GPLD1: variants seen among roughly 807,000 people sequenced by gnomAD.
GPLD1 encodes the protein glycosylphosphatidylinositol specific phospholipase D1, also known as phosphatidylinositol-glycan-specific phospholipase D.
In GPLD1, 84 loss-of-function variants were observed where a neutral mutation model predicts 112.6. The observed-to-expected ratio is 0.75, with a 90% confidence interval of 0.63 to 0.89. GPLD1 has a LOEUF of 0.89. Ranked by LOEUF, GPLD1 falls within the 40% of genes least tolerant of loss-of-function variation. The pLI is 0.00. For missense variants in GPLD1, 1,044 were observed against 1,051.5 expected (o/e 0.99, Z 0.10); for synonymous variants, 386 against 403.8 (o/e 0.96, Z 0.53).
upstream of GPLD1, among the ~76,000 whole-genome samples, chr6:24,491,266 C>T (rs1721240616): frequency 6.6e-6 from 1 of 152,166 alleles, no homozygotes; most frequent in Non-Finnish European, 1.5e-5. Flanking sequence ...GAGGGAGTCA[C>T]AATTATTAAT....
intron 2 of GPLD1, among the ~76,000 whole-genome samples, chr6:24,482,224 C>T (rs1365248129): frequency 4.6e-5 from 7 of 150,620 alleles, no homozygotes; most frequent in African/African-American, 1.5e-4. Flanking sequence ...CCTCGGCCTT[C>T]TGAGTAGCTG....
intron 14 of GPLD1, 93 bp downstream of exon 14, chr6:24,453,922 T>G (rs898638096): frequency 8.6e-5 from 68 of 791,632 alleles, no homozygotes; most frequent in Non-Finnish European, 1.3e-4. Flanking sequence ...CTGTAATTAT[T>G]CTTGTTATTA....
chr6:24,477,999 TTGC>T, intron 3 of GPLD1, among the ~76,000 whole-genome samples: 1 of 152,214 alleles, frequency 6.6e-6, no homozygotes, highest in African/African-American at 2.4e-5. Flanking sequence ...AGACTATTTA[TTGC>T]TGCAGAAAAA....
intron 4 of GPLD1, among the ~76,000 whole-genome samples, chr6:24,475,688 CAAA>C (rs35291266): frequency 1.9e-4 from 22 of 113,270 alleles, no homozygotes; most frequent in South Asian, 3.0e-4. Flanking sequence ...ACTAAAAATA[CAAA>C]AAAAAAAAAA....
chr6:24,428,782 A>C lies in GPLD1; in HGVS notation c.*250T>G. The stretch of plus-strand genomic sequence containing the variant: ...TTAGATGCAAAGGGAGCGAGGAAGT[A>C]AACTGTGGAAGGAGACATGAGTAAG... On this transcript the variant is annotated 3_prime_UTR_variant, in exon 25 of 25. Coordinates refer to ENST00000230036, the MANE Select transcript of GPLD1 (RefSeq NM_001503.4). The C allele has an allele frequency of 2.8e-6, 1 of 356,502 alleles. No individual in the cohort carries two copies. Among genetic ancestry groups the C allele is most frequent in the Non-Finnish European group, 5.0e-6 (1 of 198,568 alleles). 22.1% of individuals were successfully genotyped at this position (356,502 alleles called of 1,614,324 possible).
intron 1 of GPLD1, chr6:24,494,931 C>A (rs1245128544): frequency 2.4e-6 from 3 of 1,262,306 alleles, no homozygotes; most frequent in Non-Finnish European, 3.0e-6. Context: ...TGCTTCCCCG[C>A]GACCCCTGCG....
At position 24,472,785 on chromosome 6, in the gene GPLD1, T is replaced by G. The variant is rs948787437; in HGVS notation, c.491-149A>C. ...TGTTTTAGGTAAAGGCATGCCTTTT[T>G]TTTTTTTTAGACGGAGTTTTGCTCT... On this transcript the variant is annotated intron_variant, in intron 6 of 24. Transcript: ENST00000230036. 30 of 594,800 alleles carry G rather than the reference T, an allele frequency of 5.0e-5. No individual in the cohort carries two copies. The African/African-American group carries it at 5.5e-4, about 11-fold the overall frequency. The allele number at this position is 594,800 out of a possible 1,614,324, so 36.8% of individuals were successfully genotyped here. A position where few individuals can be genotyped will look rare whatever the true frequency, so the allele number is the denominator to read the frequency against.
chr6:24,445,980 A>C (rs990570172), intron 18 of GPLD1, 149 bp from the exon 19 acceptor site: 1 of 629,796 alleles, frequency 1.6e-6, no homozygotes, highest in African/African-American at 1.8e-5. Flanking sequence ...AAGTGTGGGG[A>C]CTATTGGAGT....
At position 24,429,062 on chromosome 6, in the gene GPLD1, T is replaced by G; in HGVS notation, c.2493A>C (p.Ala831=). 1.2e-6 allele frequency: 2 copies of G among 1,613,614 alleles called. No homozygotes were observed. The highest frequency in any genetic ancestry group is 1.7e-6 in the Non-Finnish European group (2 of 1,179,622). ...RSSLGARLSG[A]LHVYSLGSD ...CTGAGCCAAGGCTATAGACGTGAAGTGCCCCGGAGAGTCGGGCTCCCAAAG... is the reference window on the plus strand; with the variant it reads ...CTGAGCCAAGGCTATAGACGTGAAGGGCCCCGGAGAGTCGGGCTCCCAAAG... Residue 831 remains alanine, a synonymous_variant, in exon 25 of 25, where the codon GCA becomes GCC. Transcript: ENST00000230036.
At chr6:24,425,666 C>T (rs565852618), downstream of GPLD1, 2 of 152,294 alleles carry the variant, frequency 1.3e-5, no homozygotes, top group Admixed American at 1.3e-4. Flanking sequence ...AGGTACCAAA[C>T]ACTGGGTTAT....
chr6:24,494,224 G>C (rs1277068690), upstream of GPLD1, among the ~76,000 whole-genome samples: 1 of 152,136 alleles, frequency 6.6e-6, no homozygotes, highest in Non-Finnish European at 1.5e-5. Context: ...CAACTGTAAT[G>C]AGCATTTTAC....
chr6:24,472,549 G>A (rs1414236730), intron 7 of GPLD1, 33 bp downstream of exon 7: 1 of 1,291,374 alleles, frequency 7.7e-7, no homozygotes, highest in South Asian at 1.2e-5. Flanking sequence ...ATGCCACTTA[G>A]ATACCACATA....
At chr6:24,443,482 C>G (rs1457699726) in intron 20 of GPLD1, among the ~76,000 whole-genome samples, 1 of 152,186 alleles carries the variant, frequency 6.6e-6, no homozygotes, top group Non-Finnish European at 1.5e-5. Context: ...TGCCAACATT[C>G]TGCATTTATG....
rs557127362 is a variant in GPLD1 at position 24,435,824 on chromosome 6, C to CAAAAAAAAAAAAAAAAAAAAAAAAAAA, written c.2358+751_2358+752insTTTTTTTTTTTTTTTTTTTTTTTTTTT. On this transcript the variant is annotated intron_variant, in intron 22 of 24. Transcript: ENST00000230036. Reference sequence around the variant, plus strand: ...TGGGCAATAGAGCCAGACGCTGTCTCAAAAAAAAAAAAAAAAAAAAAAAGT... The same window carrying CAAAAAAAAAAAAAAAAAAAAAAAAAAA: ...TGGGCAATAGAGCCAGACGCTGTCTCAAAAAAAAAAAAAAAAAAAAAAAAAAAAAAAAAAAAAAAAAAAAAAAAAAGT... The CAAAAAAAAAAAAAAAAAAAAAAAAAAA allele has an allele frequency of 5.5e-4, 18 of 32,880 alleles. 1 individual carries two copies. Among genetic ancestry groups the CAAAAAAAAAAAAAAAAAAAAAAAAAAA allele is most frequent in the Admixed American group, 8.1e-4 (2 of 2,460 alleles). The allele number at this position is 32,880 out of a possible 1,614,324, so 2.0% of individuals were successfully genotyped here.
Position 24,449,858 on chromosome 6 carries a change from A to C in GPLD1, c.1377T>G (p.Phe459Leu). Residue 459 changes from phenylalanine to leucine, a missense_variant, in exon 15 of 25, where the codon TTT becomes TTG. By Grantham distance (22) the Phe-to-Leu change is conservative. Coordinates refer to ENST00000230036, the MANE Select transcript of GPLD1 (RefSeq NM_001503.4). ...CCAGGTCAGGCACGCCGTCCACGTT[A>C]AAGTCCAACACAGCCAAGGCCGAGC... The part of the protein sequence containing the change: ...RFGSALAVLD[F>L]NVDGVPDLAV... The C allele has an allele frequency of 6.2e-7, 1 of 1,613,924 alleles. No homozygotes were observed. The highest frequency in any genetic ancestry group is 8.5e-7 in the Non-Finnish European group (1 of 1,179,928).
chr6:24,472,532 G>T (rs1763857897), intron 7 of GPLD1, 50 bp downstream of exon 7: 1 of 1,013,090 alleles, frequency 9.9e-7, no homozygotes, highest in South Asian at 1.3e-5. Context: ...AAAAGTCAAG[G>T]CTCTAAATGC....
At chr6:24,443,821 C>T (rs2127326461) in intron 20 of GPLD1, among the ~76,000 whole-genome samples, 1 of 152,036 alleles carries the variant, frequency 6.6e-6, no homozygotes, top group South Asian at 2.1e-4. Context: ...CAGGAGCGTG[C>T]CACTATGCCT....
At chr6:24,485,583 G>A (rs1238558059) in intron 2 of GPLD1, among the ~76,000 whole-genome samples, 1 of 151,792 alleles carries the variant, frequency 6.6e-6, no homozygotes, top group Non-Finnish European at 1.5e-5. Context: ...ACTTGGAAGA[G>A]ACATATACCT....
Position 24,462,771 on chromosome 6 carries a change from AG to A in GPLD1, c.845del (p.Pro282LeufsTer27). 6.2e-7 allele frequency: 1 copy of A among 1,613,354 alleles called. No homozygotes were observed. The highest frequency in any genetic ancestry group is 8.5e-7 in the Non-Finnish European group (1 of 1,179,226). On this transcript the variant is annotated frameshift_variant, in exon 11 of 25. Coordinates refer to ENST00000230036, the MANE Select transcript of GPLD1 (RefSeq NM_001503.4). LOFTEE classifies it high-confidence loss of function. ...GCTGGCCGCCACATGCAATGAACAG[AG>A]GGTTCTCAGGCAGGTTGCAGTCACT... ...GTSDCNLPEN[P>X]LFIACGGQQN... is the part of the protein sequence containing the mutation.
Sources: allele counts gnomAD v4.1 joint callset (sites outside exome capture counted in the v4.1 genomes callset), GRCh38; gene constraint gnomAD v4.1.1; transcripts MANE v1.5; gene names NCBI Gene and HGNC (gene_info 2026-07-23, HGNC 2026-07-21).